PCDHA12: variants seen among roughly 807,000 people sequenced by gnomAD.
PCDHA12 encodes protocadherin alpha 12.
A neutral mutation model predicts 60.0 loss-of-function variants in PCDHA12; 44 were observed. The ratio of observed to expected loss-of-function variants is 0.73; its 90% CI spans 0.58 to 0.94. The LOEUF (loss-of-function observed/expected upper bound fraction) is 0.94, where lower values mean the gene tolerates loss of function less well. Among genes scored for constraint, PCDHA12 ranks in the 40% least tolerant of loss-of-function variants. The probability of loss-of-function intolerance (pLI) is 0.00; values close to 1 mark genes in which losing one functional copy is unlikely to be tolerated. For synonymous variants in PCDHA12, 569 were observed against 553.0 expected, an observed-to-expected ratio of 1.03 and a Z score of -0.40; for missense variants, 1,276 against 1,239.7, an observed-to-expected ratio of 1.03 and a Z score of -0.44.
At chr5:140,985,616 G>C in intron 3 of PCDHA12, among the ~76,000 whole-genome samples, 1 of 152,104 alleles carries the variant, frequency 6.6e-6, no homozygotes, top group African/African-American at 2.4e-5. Flanking sequence ...CCGTGAACCA[G>C]CTGTGTATTG....
chr5:140,884,060 G>T (rs781956914), intron 1 of PCDHA12: 1 of 1,613,430 alleles, frequency 6.2e-7, no homozygotes, highest in African/African-American at 1.3e-5. Flanking sequence ...GCGCGCGGTG[G>T]ACGCCGATTC....
intron 3 of PCDHA12, among the ~76,000 whole-genome samples, chr5:141,004,049 A>T (rs1372116883): frequency 6.6e-6 from 1 of 152,208 alleles, no homozygotes; most frequent in African/African-American, 2.4e-5. Flanking sequence ...TCATTTGCTG[A>T]TACTGGCCCC....
intron 1 of PCDHA12, among the ~76,000 whole-genome samples, chr5:140,919,657 A>G (rs1341455821): frequency 3.9e-5 from 6 of 152,258 alleles, no homozygotes; most frequent in Non-Finnish European, 8.8e-5. Flanking sequence ...AGTTTACCAT[A>G]TATATTTTAG....
chr5:140,969,585 T>A (rs2096344806), intron 1 of PCDHA12: 1 of 896,450 alleles, frequency 1.1e-6, no homozygotes, highest in Admixed American at 3.0e-5. Flanking sequence ...TGAGGATTAG[T>A]CTTAATATTT....
At chr5:140,937,023 A>G (rs2091268625) in intron 1 of PCDHA12, among the ~76,000 whole-genome samples, 1 of 150,410 alleles carries the variant, frequency 6.6e-6, no homozygotes. Flanking sequence ...TTAACAAGGT[A>G]TATTCTTCCA....
At chr5:140,966,692 G>A in intron 1 of PCDHA12, 2 of 1,352,080 alleles carry the variant, frequency 1.5e-6, no homozygotes, top group East Asian at 2.9e-5. Context: ...CGGAGGCGGG[G>A]CCCGGGCGTG....
At position 140,912,741 on chromosome 5, in the gene PCDHA12, C is replaced by T. The variant is rs371215646; in HGVS notation, c.2367+34902C>T. Among the ~76,000 whole-genome samples the T allele has an allele frequency of 2.1e-3, 323 of 152,182 alleles. 1 individual carries two copies. Among genetic ancestry groups the T allele is most frequent in the African/African-American group, 7.6e-3 (315 of 41,526 alleles). ...ATTCAATATGATGTTGGCTGTGGGT[C>T]TGTCATAGATGGCTTTTATTACTTT... On this transcript the variant is annotated intron_variant, in intron 1 of 3. Transcript: ENST00000398631.
chr5:140,948,959 C>T (rs1315047565), intron 1 of PCDHA12, among the ~76,000 whole-genome samples: 13 of 151,622 alleles, frequency 8.6e-5, no homozygotes, highest in South Asian at 6.2e-4. Context: ...ATTAAAGCCA[C>T]GAATTTATTA....
chr5:140,917,440 C>A (rs913046487), intron 1 of PCDHA12, among the ~76,000 whole-genome samples: 1 of 151,666 alleles, frequency 6.6e-6, no homozygotes, highest in Non-Finnish European at 1.5e-5. Flanking sequence ...TTTGTTTTTG[C>A]TGCAAGAGCG....
rs576221086 is a variant in PCDHA12, at chr5:140,933,031, A to G, written c.2368-45918A>G. Among the ~76,000 whole-genome samples, 5 of 152,154 alleles carry G rather than the reference A, an allele frequency of 3.3e-5. No individual in the cohort carries two copies. The South Asian group carries it at 6.2e-4, about 19-fold the overall frequency. ...AATATTAACACTTGGCAGAACTTCAAGTGAATATGGATTACAGTCCAGGAT... is the reference window on the plus strand; with the variant it reads ...AATATTAACACTTGGCAGAACTTCAGGTGAATATGGATTACAGTCCAGGAT... On this transcript the variant is annotated intron_variant, in intron 1 of 3. Coordinates refer to ENST00000398631, the MANE Select transcript of PCDHA12 (RefSeq NM_018903.4).
At chr5:140,917,637 A>T (rs1257346290) in intron 1 of PCDHA12, among the ~76,000 whole-genome samples, 1 of 152,192 alleles carries the variant, frequency 6.6e-6, no homozygotes, top group Non-Finnish European at 1.5e-5. Context: ...TTAGCTAGTT[A>T]TCCCAGCAAT....
At chr5:140,934,664 T>C (rs1268113575) in intron 1 of PCDHA12, among the ~76,000 whole-genome samples, 4 of 152,176 alleles carry the variant, frequency 2.6e-5, no homozygotes, top group Non-Finnish European at 5.9e-5. Flanking sequence ...TCTTCCCCTT[T>C]GTTTAGCAGT....
intron 3 of PCDHA12, among the ~76,000 whole-genome samples, chr5:141,003,475 G>A (rs934289848): frequency 2.0e-5 from 3 of 151,932 alleles, no homozygotes; most frequent in Non-Finnish European, 2.9e-5. Flanking sequence ...CCACAGTCTC[G>A]CTAATTTTTA....
At position 140,875,529 on chromosome 5, in the gene PCDHA12, G is replaced by T. The variant is rs369713851; in HGVS notation, c.57G>T (p.Leu19=). Residue 19 remains leucine (L), a synonymous_variant, in exon 1 of 4, where the codon CTG becomes CTT. Coordinates refer to ENST00000398631, the MANE Select transcript of PCDHA12 (RefSeq NM_018903.4). ...CCCAGCGTCTGCTGCTCTCGCTTCT[G>T]CTCCTTGCAGCCTGGGAGGTGGGGA... is the stretch of plus-strand genomic sequence containing the variant. ...PGSQRLLLSL[L]LLAAWEVGSG... 3.1e-6 allele frequency: 5 copies of T among 1,613,994 alleles called. No homozygotes were observed. Among genetic ancestry groups the T allele is most frequent in the Admixed American group, 1.7e-5 (1 of 59,994 alleles).
intron 3 of PCDHA12, among the ~76,000 whole-genome samples, chr5:140,999,965 T>C (rs1439660759): frequency 1.3e-5 from 2 of 151,684 alleles, no homozygotes; most frequent in African/African-American, 4.8e-5. Flanking sequence ...TACCCAGGAG[T>C]AGCAGCTCTA....
chr5:140,906,611 C>T (rs2072787341), intron 1 of PCDHA12, among the ~76,000 whole-genome samples: 1 of 152,196 alleles, frequency 6.6e-6, no homozygotes, highest in Non-Finnish European at 1.5e-5. Flanking sequence ...ATTCTGTATT[C>T]CCTTTGCCTT....
At chr5:140,954,427 C>T (rs545024696) in intron 1 of PCDHA12, among the ~76,000 whole-genome samples, 1 of 152,200 alleles carries the variant, frequency 6.6e-6, no homozygotes, top group Admixed American at 6.5e-5. Context: ...CCTTTTTCTC[C>T]ATCTGTTGTT....
intron 3 of PCDHA12, among the ~76,000 whole-genome samples, chr5:140,993,129 G>A (rs1216210971): frequency 6.6e-6 from 1 of 152,160 alleles, no homozygotes; most frequent in Non-Finnish European, 1.5e-5. Flanking sequence ...ATTTCCTTCT[G>A]TTGCAACAAG....
At chr5:140,985,648 C>G (rs185772569) in intron 3 of PCDHA12, among the ~76,000 whole-genome samples, 17 of 152,092 alleles carry the variant, frequency 1.1e-4, no homozygotes, top group African/African-American at 4.1e-4. Flanking sequence ...CCAACACTTG[C>G]AATGGCTGAA....
Sources: allele counts gnomAD v4.1 joint callset (sites outside exome capture counted in the v4.1 genomes callset), GRCh38; gene constraint gnomAD v4.1.1; transcripts MANE v1.5; gene names NCBI Gene and HGNC (gene_info 2026-07-23, HGNC 2026-07-21).